Variants in TULP4 observed in about 807,000 individuals in gnomAD.
The protein encoded by TULP4 is tubby-related protein 4.
A neutral mutation model predicts 129.0 loss-of-function variants in TULP4; 16 were observed. The ratio of observed to expected loss-of-function variants is 0.12; its 90% CI spans 0.08 to 0.19. The LOEUF is 0.19. TULP4 is among the 10% of genes least tolerant of loss of function. TULP4 has a pLI of 1.00. For synonymous variants in TULP4, 998 were observed against 854.0 expected (o/e 1.17, Z -2.94); for missense variants, 1,842 against 2,059.1 (o/e 0.89, Z 2.04).
chr6:158,341,796 T>C (rs1780186349), intron 1 of TULP4, among the ~76,000 whole-genome samples: 1 of 152,226 alleles, frequency 6.6e-6, no homozygotes, highest in African/African-American at 2.4e-5. Context: ...GAATTTCTTA[T>C]ATATTCTGTT....
chr6:158,445,590 G>T (rs78633601), intron 3 of TULP4, among the ~76,000 whole-genome samples: 1,596 of 152,230 alleles, frequency 0.01, 27 homozygotes, highest in African/African-American at 0.037. Context: ...TGCTGTGGGG[G>T]CCGTGGTTAG....
At chr6:158,500,963 G>GGCAGGAGAATCACTTGAAC (rs1337592613) in intron 12 of TULP4, among the ~76,000 whole-genome samples, 2 of 152,158 alleles carry the variant, frequency 1.3e-5, no homozygotes, top group Non-Finnish European at 2.9e-5. Flanking sequence ...GGGAGGCTGA[G>GGCAGGAGAATCACTTGAAC]GCAGGAGAAT....
intron 1 of TULP4, among the ~76,000 whole-genome samples, chr6:158,301,396 GT>G (rs55701914): frequency 0.86 from 125,792 of 147,068 alleles, 54,008 homozygotes; most frequent in South Asian, 0.92. Flanking sequence ...AAATCAAACA[GT>G]TTTTTTTTTT....
At chr6:158,477,730 A>G (rs1394607308) in intron 6 of TULP4, among the ~76,000 whole-genome samples, 1 of 152,254 alleles carries the variant, frequency 6.6e-6, no homozygotes, top group Non-Finnish European at 1.5e-5. Flanking sequence ...ATTGAGAACT[A>G]ACGTTCGACC....
At chr6:158,253,117 C>T (rs1243868517) in intron 1 of TULP4, among the ~76,000 whole-genome samples, 1 of 152,204 alleles carries the variant, frequency 6.6e-6, no homozygotes, top group Non-Finnish European at 1.5e-5. Flanking sequence ...ATTTGTTCAT[C>T]TTAATTCCCT....
At chr6:158,332,635 A>G (rs1219974837) in intron 1 of TULP4, among the ~76,000 whole-genome samples, 1 of 152,064 alleles carries the variant, frequency 6.6e-6, no homozygotes, top group Non-Finnish European at 1.5e-5. Context: ...TTCTATGTTG[A>G]GGAGCTATAG....
At chr6:158,271,621 G>C (rs1396914975) in intron 1 of TULP4, among the ~76,000 whole-genome samples, 2 of 151,768 alleles carry the variant, frequency 1.3e-5, no homozygotes, top group African/African-American at 4.8e-5. Context: ...GTAGAGATGG[G>C]GTCTCACTCT....
intron 12 of TULP4, among the ~76,000 whole-genome samples, chr6:158,500,155 G>A (rs532976601): frequency 1.3e-5 from 2 of 152,324 alleles, no homozygotes; most frequent in East Asian, 1.9e-4. Context: ...TGCAGTTGTC[G>A]TTATTGTCTG....
chr6:158,261,581 G>A (rs1406466913), intron 1 of TULP4, among the ~76,000 whole-genome samples: 1 of 152,188 alleles, frequency 6.6e-6, no homozygotes, highest in African/African-American at 2.4e-5. Context: ...AAATGAGACA[G>A]TGATTTGATT....
At chr6:158,469,505 C>G (rs751276527) in intron 6 of TULP4, among the ~76,000 whole-genome samples, 25 of 151,930 alleles carry the variant, frequency 1.6e-4, no homozygotes, top group Non-Finnish European at 3.2e-4. Context: ...GATTTTCTGA[C>G]CTCAAGTGAT....
intron 1 of TULP4, among the ~76,000 whole-genome samples, chr6:158,401,936 T>C (rs1262814596): frequency 2.0e-5 from 3 of 152,190 alleles, no homozygotes; most frequent in East Asian, 1.9e-4. Flanking sequence ...ACCAGTGTGG[T>C]ATTCTAGACT....
intron 1 of TULP4, among the ~76,000 whole-genome samples, chr6:158,267,892 TC>T (rs1183667432): frequency 5.9e-5 from 9 of 152,168 alleles, no homozygotes; most frequent in Non-Finnish European, 2.9e-5. Context: ...ATCAGTCGAA[TC>T]CCTTCTCCTC....
At chr6:158,331,600 CAATGGGG>C (rs1248462392) in intron 1 of TULP4, among the ~76,000 whole-genome samples, 2 of 149,946 alleles carry the variant, frequency 1.3e-5, no homozygotes, top group Non-Finnish European at 3.0e-5. Context: ...AATGCTGTTT[CAATGGGG>C]AATGGTATTA....
At chr6:158,294,319 T>C (rs1392383169) in intron 1 of TULP4, among the ~76,000 whole-genome samples, 1 of 150,638 alleles carries the variant, frequency 6.6e-6, no homozygotes, top group Admixed American at 6.6e-5. Context: ...GCCGAGACCG[T>C]GCCACTGCAC....
intron 1 of TULP4, among the ~76,000 whole-genome samples, chr6:158,329,010 G>A (rs1779814449): frequency 6.6e-6 from 1 of 152,134 alleles, no homozygotes; most frequent in Non-Finnish European, 1.5e-5. Flanking sequence ...GGTGCCACAA[G>A]GAAAAACGTG....
At chr6:158,409,174 G>C (rs1353592892) in intron 1 of TULP4, among the ~76,000 whole-genome samples, 4 of 152,272 alleles carry the variant, frequency 2.6e-5, no homozygotes, top group Middle Eastern at 3.4e-3. Context: ...GACTGACTTA[G>C]GGCCTTAGAT....
intron 1 of TULP4, among the ~76,000 whole-genome samples, chr6:158,381,740 T>C (rs1777330592): frequency 6.6e-6 from 1 of 152,184 alleles, no homozygotes; most frequent in South Asian, 2.1e-4. Flanking sequence ...CCAATTCAGG[T>C]GTATTTATTC....
Position 158,502,706 on chromosome 6 carries a change from T to C in TULP4, c.3043T>C (p.Ser1015Pro). The stretch of plus-strand genomic sequence containing the variant: ...GGCCCCCCTGCAGCCCCTGGCCAAG[T>C]CCAAGGGCGGGCCCGGGGGGGTGGT... ...PRAPLQPLAK[S>P]KGGPGGVVTQ... is the part of the protein sequence containing the mutation. The change falls in exon 13 of 14, where the codon TCC becomes CCC. Residue 1015 changes from serine (S) to proline (P), a missense_variant. Ser to Pro is a moderately conservative substitution (Grantham distance 74). Transcript: ENST00000367097. The C allele has an allele frequency of 1.3e-6, 2 of 1,560,518 alleles. No individual in the cohort carries two copies. Among genetic ancestry groups the C allele is most frequent in the Non-Finnish European group, 1.7e-6 (2 of 1,158,334 alleles).
chr6:158,256,169 G>T (rs1319292048), intron 1 of TULP4, among the ~76,000 whole-genome samples: 1 of 152,214 alleles, frequency 6.6e-6, no homozygotes, highest in South Asian at 2.1e-4. Context: ...AGCAGTCAGT[G>T]GTTAAGGCTT....
Sources: allele counts gnomAD v4.1 joint callset (sites outside exome capture counted in the v4.1 genomes callset), GRCh38; gene constraint gnomAD v4.1.1; transcripts MANE v1.5; gene names NCBI Gene and HGNC (gene_info 2026-07-23, HGNC 2026-07-21).